FBLN7: variants seen among roughly 807,000 people sequenced by gnomAD.
FBLN7 encodes fibulin 7.
Under a neutral mutation model 44.0 loss-of-function variants are expected in FBLN7, and 31 were observed. That is an observed-to-expected ratio of 0.70 (90% confidence interval 0.53 to 0.95). The LOEUF is 0.95. Ranked by LOEUF, FBLN7 falls within the 40% of genes least tolerant of loss-of-function variation. FBLN7 has a pLI of 0.00. For synonymous variants in FBLN7, 262 were observed against 253.4 expected (o/e 1.03, Z -0.32); for missense variants, 573 against 618.5 (o/e 0.93, Z 0.78).
chr2:112,159,966 C>T (rs1681648542), intron 2 of FBLN7, 131 bp downstream of exon 2: 1 of 619,502 alleles, frequency 1.6e-6, no homozygotes. Context: ...CAACTGTGGC[C>T]CCCCCTTTTT....
At chr2:112,214,594 G>C in the FBLN7 span, 2 of 152,202 alleles carry the variant, frequency 1.3e-5, no homozygotes, top group East Asian at 3.8e-4. Context: ...GGCTACAATG[G>C]CTAGGTGATA....
the FBLN7 span, among the ~76,000 whole-genome samples, chr2:112,217,849 T>A: frequency 6.6e-6 from 1 of 152,180 alleles, no homozygotes; most frequent in Non-Finnish European, 1.5e-5. Flanking sequence ...AACATCTATA[T>A]CTGAAAAAAA....
intron 4 of FBLN7, 107 bp from the exon 5 acceptor site, chr2:112,181,632 G>A (rs74804124): frequency 0.088 from 113,010 of 1,280,044 alleles, 5,596 homozygotes; most frequent in African/African-American, 0.19. Context: ...TAAGCCCTTT[G>A]AGAAGGGGCC....
At chr2:112,184,310 C>T (rs1683140220) in intron 6 of FBLN7, among the ~76,000 whole-genome samples, 1 of 152,168 alleles carries the variant, frequency 6.6e-6, no homozygotes, top group African/African-American at 2.4e-5. Flanking sequence ...CATGGGCTGA[C>T]GTGGGAATGT....
chr2:112,195,778 C>T, the FBLN7 span, among the ~76,000 whole-genome samples: 18,746 of 152,312 alleles, frequency 0.12, 1,293 homozygotes, highest in Non-Finnish European at 0.14. Flanking sequence ...GAGCAGGCAT[C>T]TTGTCTGCAT....
At chr2:112,160,793 CA>C (rs1472721834) in intron 2 of FBLN7, among the ~76,000 whole-genome samples, 3 of 140,666 alleles carry the variant, frequency 2.1e-5, no homozygotes, top group African/African-American at 8.0e-5. Context: ...CACGCACACG[CA>C]CACACGCACG....
At chr2:112,199,618 G>A in the FBLN7 span, among the ~76,000 whole-genome samples, 1 of 152,244 alleles carries the variant, frequency 6.6e-6, no homozygotes, top group East Asian at 1.9e-4. Flanking sequence ...TGCCCTGTCT[G>A]TCCCCAATTC....
intron 3 of FBLN7, among the ~76,000 whole-genome samples, chr2:112,172,183 A>G (rs1227657941): frequency 1.3e-5 from 2 of 152,338 alleles, no homozygotes; most frequent in Admixed American, 1.3e-4. Context: ...TCAATATCTA[A>G]TTAGAGTAAA....
chr2:112,217,013 C>T, the FBLN7 span, among the ~76,000 whole-genome samples: 6 of 152,064 alleles, frequency 3.9e-5, no homozygotes, highest in African/African-American at 7.2e-5. Context: ...TGGTTGAGCC[C>T]GCAGAGCAAA....
At chr2:112,230,886 G>A in the FBLN7 span, 4 of 1,293,976 alleles carry the variant, frequency 3.1e-6, no homozygotes, top group South Asian at 1.5e-5. Flanking sequence ...AAGAAATGTG[G>A]TAAATTCTAA....
chr2:112,219,055 C>T, the FBLN7 span, among the ~76,000 whole-genome samples: 3 of 152,166 alleles, frequency 2.0e-5, no homozygotes, highest in African/African-American at 7.2e-5. Context: ...AATGCAATCT[C>T]TATCAAATTC....
chr2:112,215,283 C>T, the FBLN7 span: 14 of 152,232 alleles, frequency 9.2e-5, no homozygotes, highest in African/African-American at 2.9e-4. Context: ...GCCCACCTCC[C>T]GAGCCACAGC....
chr2:112,178,992 A>G (rs1262772437), intron 4 of FBLN7, among the ~76,000 whole-genome samples: 1 of 152,216 alleles, frequency 6.6e-6, no homozygotes, highest in Non-Finnish European at 1.5e-5. Context: ...GGCGAGAGCA[A>G]CAGGCGAGAG....
chr2:112,164,213 G>A (rs55941618), intron 2 of FBLN7, among the ~76,000 whole-genome samples: 41,036 of 152,098 alleles, frequency 0.27, 7,136 homozygotes, highest in South Asian at 0.44. Flanking sequence ...CCCTAATATA[G>A]TGCCTGGCAC....
At chr2:112,230,396 T>A in the FBLN7 span, among the ~76,000 whole-genome samples, 1 of 152,214 alleles carries the variant, frequency 6.6e-6, no homozygotes, top group African/African-American at 2.4e-5. Context: ...AGTATGTATA[T>A]GGATATTTAC....
chr2:112,229,102 A>T, the FBLN7 span, among the ~76,000 whole-genome samples: 5 of 152,206 alleles, frequency 3.3e-5, no homozygotes, highest in Admixed American at 3.3e-4. Context: ...ACAAATGGAG[A>T]AGAACTGACA....
chr2:112,238,976 A>G, the FBLN7 span, among the ~76,000 whole-genome samples: 1 of 152,276 alleles, frequency 6.6e-6, no homozygotes, highest in South Asian at 2.1e-4. Flanking sequence ...GTAATGGTCC[A>G]TATGAAAACC....
chr2:112,207,088 T>C, the FBLN7 span, among the ~76,000 whole-genome samples: 1 of 152,222 alleles, frequency 6.6e-6, no homozygotes, highest in Non-Finnish European at 1.5e-5. Context: ...CTTTGAATTA[T>C]TTCAATACTT....
chr2:112,181,625 G>C, intron 4 of FBLN7, 114 bp from the exon 5 acceptor site: 1 of 1,232,162 alleles, frequency 8.1e-7, no homozygotes, highest in East Asian at 3.2e-5. Flanking sequence ...TCCAGAGTAA[G>C]CCCTTTGAGA....
Sources: gnomAD v4.1 joint callset for allele counts (sites outside exome capture counted in the v4.1 genomes callset) on GRCh38, gnomAD v4.1.1 for gene constraint, MANE v1.5 for transcripts, NCBI Gene and HGNC (gene_info 2026-07-23, HGNC 2026-07-21) for gene names.